ZNF521: variants seen among roughly 807,000 people sequenced by gnomAD.
ZNF521 encodes LYST-interacting protein 3.
Under a neutral mutation model 105.5 loss-of-function variants are expected in ZNF521, and 14 were observed. The ratio of observed to expected loss-of-function variants is 0.13; its 90% CI spans 0.09 to 0.21. The LOEUF (loss-of-function observed/expected upper bound fraction) is 0.21. Ranked by LOEUF, ZNF521 falls within the 10% of genes least tolerant of loss-of-function variation. The pLI is 1.00. For synonymous variants in ZNF521, 635 were observed against 606.0 expected, an observed-to-expected ratio of 1.05 and a Z score of -0.70; for missense variants, 1,233 against 1,629.7, an observed-to-expected ratio of 0.76 and a Z score of 4.19.
chr18:25,289,038 TA>T (rs1910863738), intron 3 of ZNF521, among the ~76,000 whole-genome samples: 1 of 152,268 alleles, frequency 6.6e-6, no homozygotes, highest in South Asian at 2.1e-4. Context: ...TAGCTTTTTT[TA>T]ACCTTGGAAA....
intron 5 of ZNF521, among the ~76,000 whole-genome samples, chr18:25,128,194 T>A (rs760526443): frequency 3.3e-5 from 5 of 151,756 alleles, no homozygotes; most frequent in Non-Finnish European, 7.4e-5. Flanking sequence ...ATGTAATCTA[T>A]CATGTCAAGA....
At chr18:25,201,527 G>T (rs1383321358) in intron 4 of ZNF521, 4 of 152,140 alleles carry the variant, frequency 2.6e-5, no homozygotes, top group Admixed American at 2.6e-4. Flanking sequence ...ACTTGACTAA[G>T]TCCATTTGTT....
At chr18:25,085,236 T>C (rs1361771642) in intron 7 of ZNF521, among the ~76,000 whole-genome samples, 1 of 149,608 alleles carries the variant, frequency 6.7e-6, no homozygotes, top group Non-Finnish European at 1.5e-5. Flanking sequence ...TGTATATATA[T>C]ATATAAGTAT....
At chr18:25,297,415 T>C (rs1367580162) in intron 3 of ZNF521, among the ~76,000 whole-genome samples, 1 of 152,130 alleles carries the variant, frequency 6.6e-6, no homozygotes, top group African/African-American at 2.4e-5. Flanking sequence ...CCATGAAAAA[T>C]TCATATTAAA....
At chr18:25,319,888 T>C (rs1371871634) in intron 3 of ZNF521, among the ~76,000 whole-genome samples, 1 of 152,150 alleles carries the variant, frequency 6.6e-6, no homozygotes, top group Non-Finnish European at 1.5e-5. Flanking sequence ...CAGGAGCCTA[T>C]GAAACCTGAA....
chr18:25,246,560 T>C (rs1907739437), intron 3 of ZNF521, among the ~76,000 whole-genome samples: 2 of 152,232 alleles, frequency 1.3e-5, no homozygotes, highest in Non-Finnish European at 2.9e-5. Flanking sequence ...GTAGCTACTA[T>C]TGTTAAGACT....
intron 5 of ZNF521, among the ~76,000 whole-genome samples, chr18:25,187,450 GT>G (rs1301065418): frequency 6.6e-6 from 1 of 150,878 alleles, no homozygotes; most frequent in African/African-American, 2.4e-5. Flanking sequence ...TCTGTTGTTT[GT>G]TGACTTTAAT....
At chr18:25,217,530 T>C (rs931420841) in intron 4 of ZNF521, among the ~76,000 whole-genome samples, 1 of 152,146 alleles carries the variant, frequency 6.6e-6, no homozygotes, top group Non-Finnish European at 1.5e-5. Flanking sequence ...ACCAGGAGTC[T>C]AGGGTATACA....
At chr18:25,259,065 G>A (rs1295255042) in intron 3 of ZNF521, among the ~76,000 whole-genome samples, 1 of 152,180 alleles carries the variant, frequency 6.6e-6, no homozygotes, top group Non-Finnish European at 1.5e-5. Flanking sequence ...AGTAGTGGAA[G>A]ATTTGAACCC....
At chr18:25,164,656 T>C (rs2035306129) in intron 5 of ZNF521, among the ~76,000 whole-genome samples, 4 of 152,082 alleles carry the variant, frequency 2.6e-5, no homozygotes, top group South Asian at 4.1e-4. Flanking sequence ...CTTCTCCCCA[T>C]ACAAGGGAAG....
chr18:25,196,881 G>GA (rs1363359981), intron 4 of ZNF521, among the ~76,000 whole-genome samples: 1 of 151,662 alleles, frequency 6.6e-6, no homozygotes, highest in Non-Finnish European at 1.5e-5. Context: ...CCTGATATGT[G>GA]ACCTTGCTGA....
At chr18:25,237,403 T>G (rs1439116705) in intron 3 of ZNF521, among the ~76,000 whole-genome samples, 2 of 152,070 alleles carry the variant, frequency 1.3e-5, no homozygotes. Context: ...CTGATTAATA[T>G]CTATAATCAT....
chr18:25,079,926 A>C (rs1367885021), intron 7 of ZNF521, among the ~76,000 whole-genome samples: 4 of 152,232 alleles, frequency 2.6e-5, no homozygotes, highest in African/African-American at 7.2e-5. Flanking sequence ...TAGAAGGCAC[A>C]CAAGCTTAGC....
At chr18:25,282,511 C>T (rs765793460) in intron 3 of ZNF521, among the ~76,000 whole-genome samples, 5 of 152,036 alleles carry the variant, frequency 3.3e-5, no homozygotes, top group East Asian at 1.9e-4. Flanking sequence ...GCACTCCATC[C>T]GGCTGGCCAA....
intron 4 of ZNF521, among the ~76,000 whole-genome samples, chr18:25,196,480 A>G (rs1233860915): frequency 6.6e-6 from 1 of 151,026 alleles, no homozygotes; most frequent in Non-Finnish European, 1.5e-5. Context: ...CCATTAATAT[A>G]AATTTTTCCT....
At chr18:25,298,038 C>G (rs1430848275) in intron 3 of ZNF521, among the ~76,000 whole-genome samples, 1 of 152,138 alleles carries the variant, frequency 6.6e-6, no homozygotes, top group East Asian at 1.9e-4. Context: ...TTCAATTATT[C>G]ACCTGCATTA....
Position 25,340,865 on chromosome 18 carries a change from C to T in ZNF521, c.40+10042G>A, listed in dbSNP as rs185378186. On this transcript the variant is annotated intron_variant, in intron 2 of 7. Coordinates refer to ENST00000361524, the MANE Select transcript of ZNF521 (RefSeq NM_015461.3). ...CATACTGGGTTTTAAATATGCAAATCGGCAAGTATAAAAAACAGCTACCTT... is the reference window on the plus strand; with the variant it reads ...CATACTGGGTTTTAAATATGCAAATTGGCAAGTATAAAAAACAGCTACCTT... Among the ~76,000 whole-genome samples the T allele has an allele frequency of 2.5e-3, 374 of 150,724 alleles. 3 individuals are homozygous for T. The highest frequency in any genetic ancestry group is 8.8e-3 in the African/African-American group (364 of 41,474).
intron 2 of ZNF521, among the ~76,000 whole-genome samples, chr18:25,347,315 T>C (rs979613482): frequency 2.6e-5 from 4 of 152,162 alleles, no homozygotes; most frequent in African/African-American, 7.2e-5. Context: ...CTCTATTTCA[T>C]TAAATAGAAG....
chr18:25,089,281 G>A (rs2033693749), intron 7 of ZNF521, among the ~76,000 whole-genome samples, 184 bp downstream of exon 7: 1 of 152,210 alleles, frequency 6.6e-6, no homozygotes, highest in Non-Finnish European at 1.5e-5. Context: ...ATTGACAGCA[G>A]CCAGAGGCAA....
Sources: allele counts gnomAD v4.1 joint callset (sites outside exome capture counted in the v4.1 genomes callset), GRCh38; gene constraint gnomAD v4.1.1; transcripts MANE v1.5; gene names NCBI Gene and HGNC (gene_info 2026-07-23, HGNC 2026-07-21).